The following DSCAML1 variants were observed in gnomAD, a reference collection of about 807,000 sequenced individuals.
DSCAML1 encodes cell adhesion molecule DSCAML1.
DSCAML1 carries 38 observed loss-of-function variants against 200.5 expected under a neutral mutation model. The ratio of observed to expected loss-of-function variants is 0.19; its 90% CI spans 0.15 to 0.25. The LOEUF (loss-of-function observed/expected upper bound fraction) is 0.25. DSCAML1 is among the 10% of genes least tolerant of loss of function. The probability of loss-of-function intolerance (pLI) is 1.00; values close to 1 mark genes in which losing one functional copy is unlikely to be tolerated. For missense variants in DSCAML1, 2,223 were observed against 2,858.8 expected, an observed-to-expected ratio of 0.78 and a Z score of 5.07; for synonymous variants, 1,215 against 1,165.0, an observed-to-expected ratio of 1.04 and a Z score of -0.87.
At chr11:117,631,328 G>A (rs1216210792) in intron 3 of DSCAML1, among the ~76,000 whole-genome samples, 1 of 152,220 alleles carries the variant, frequency 6.6e-6, no homozygotes, top group East Asian at 1.9e-4. Context: ...CACAGGGCCT[G>A]TTGGACCCGG....
chr11:117,541,438 C>A (rs1404544471), intron 3 of DSCAML1, among the ~76,000 whole-genome samples: 1 of 152,196 alleles, frequency 6.6e-6, no homozygotes, highest in Non-Finnish European at 1.5e-5. Context: ...TCAATGAATC[C>A]TGGCAGTGGA....
In DSCAML1 at chr11:117,458,740, A is replaced by T. The variant is rs767227651; in HGVS notation, c.3568+14T>A. The T allele has an allele frequency of 6.2e-7, 1 of 1,610,662 alleles. No individual in the cohort carries two copies. Among genetic ancestry groups the T allele is most frequent in the South Asian group, 1.1e-5 (1 of 90,980 alleles). ...GGCAGGGCCAGCCTGTCCCAAGGAG[A>T]GGCCTGGACTCACCGTCCTCCTTGG... On this transcript the variant is annotated intron_variant, in intron 19 of 32. Transcript: ENST00000651296.
intron 3 of DSCAML1, among the ~76,000 whole-genome samples, chr11:117,749,074 T>C (rs549356175): frequency 6.6e-6 from 1 of 152,304 alleles, no homozygotes; most frequent in East Asian, 1.9e-4. Context: ...TGACTTTCTC[T>C]TGTGCAGGTA....
chr11:117,766,954 C>A (rs1427032144), intron 3 of DSCAML1, among the ~76,000 whole-genome samples: 1 of 152,116 alleles, frequency 6.6e-6, no homozygotes, highest in Admixed American at 6.5e-5. Flanking sequence ...AGGGCATAGG[C>A]ATCAAAACCA....
chr11:117,435,093 C>A (rs1479253738), intron 27 of DSCAML1, among the ~76,000 whole-genome samples: 4 of 152,234 alleles, frequency 2.6e-5, no homozygotes, highest in African/African-American at 4.8e-5. Flanking sequence ...GTGCCAGACA[C>A]TGTGTTAGGC....
At chr11:117,799,621 C>T (rs115217051), upstream of DSCAML1, among the ~76,000 whole-genome samples, 795 of 152,242 alleles carry the variant, frequency 5.2e-3, 6 homozygotes, top group African/African-American at 0.018. Flanking sequence ...CCCCCTCTGG[C>T]AAAAGGAAGC....
chr11:117,593,509 G>A (rs1019692342), intron 3 of DSCAML1, among the ~76,000 whole-genome samples: 1 of 152,186 alleles, frequency 6.6e-6, no homozygotes, highest in Non-Finnish European at 1.5e-5. Context: ...GTCTGCCACC[G>A]GGGCCTGTGT....
chr11:117,491,520 CT>C (rs2049181515), intron 11 of DSCAML1, among the ~76,000 whole-genome samples: 2 of 152,190 alleles, frequency 1.3e-5, no homozygotes, highest in South Asian at 4.1e-4. Flanking sequence ...AATCCCAGCA[CT>C]TTGGGAGGCC....
intron 30 of DSCAML1, 40 bp from the exon 31 acceptor site, chr11:117,431,768 A>G (rs761219183): frequency 3.8e-5 from 57 of 1,496,972 alleles, no homozygotes; most frequent in Non-Finnish European, 4.1e-5. Context: ...CTCCAACCAA[A>G]GGCACCCAGG....
chr11:117,651,306 C>T (rs1218238845), intron 3 of DSCAML1, among the ~76,000 whole-genome samples: 2 of 152,220 alleles, frequency 1.3e-5, no homozygotes, highest in Non-Finnish European at 2.9e-5. Flanking sequence ...AGCACTTTGT[C>T]CAGTGGCCCC....
chr11:117,705,317 G>A (rs549903786), intron 3 of DSCAML1, among the ~76,000 whole-genome samples: 16 of 152,294 alleles, frequency 1.1e-4, no homozygotes, highest in East Asian at 5.8e-4. Flanking sequence ...ACTGAAAGCC[G>A]ATGTACTCTA....
Position 117,524,794 on chromosome 11 carries a change from C to A in DSCAML1, c.937+11G>T, listed in dbSNP as rs760864362. 44 of 1,567,094 alleles carry A rather than the reference C, an allele frequency of 2.8e-5. No individual in the cohort carries two copies. Among genetic ancestry groups the A allele is most frequent in the Non-Finnish European group, 3.5e-5 (40 of 1,154,922 alleles). ...GTTACTGGGGCTGCAGAAGGGGCTT[C>A]CCCGACTCACCAATGACCATGAGGA... On this transcript the variant is annotated intron_variant, in intron 5 of 32. Coordinates refer to ENST00000651296, the MANE Select transcript of DSCAML1 (RefSeq NM_020693.4).
chr11:117,806,218 G>C (rs566613717), intron 1 of DSCAML1, among the ~76,000 whole-genome samples: 1 of 152,204 alleles, frequency 6.6e-6, no homozygotes, highest in African/African-American at 2.4e-5. Context: ...AGCTGCTTAA[G>C]CTCAGAGAAA....
At chr11:117,471,328 C>T (rs539605510) in intron 15 of DSCAML1, among the ~76,000 whole-genome samples, 2 of 152,250 alleles carry the variant, frequency 1.3e-5, no homozygotes, top group African/African-American at 2.4e-5. Flanking sequence ...TGCGCCACCA[C>T]GCCCAGCTAA....
intron 3 of DSCAML1, among the ~76,000 whole-genome samples, chr11:117,675,116 C>A (rs2053184038): frequency 6.6e-6 from 1 of 152,174 alleles, no homozygotes; most frequent in African/African-American, 2.4e-5. Context: ...AATAGCAACT[C>A]CTCCACAAGC....
intron 3 of DSCAML1, among the ~76,000 whole-genome samples, chr11:117,685,729 T>G (rs776714933): frequency 4.6e-5 from 7 of 152,202 alleles, no homozygotes; most frequent in Non-Finnish European, 1.0e-4. Context: ...GAGCCTTTCC[T>G]TATCTGCATA....
intron 14 of DSCAML1, 60 bp from the exon 15 acceptor site, chr11:117,472,096 C>T: frequency 6.3e-7 from 1 of 1,589,808 alleles, no homozygotes; most frequent in Non-Finnish European, 8.6e-7. Flanking sequence ...CCCTTCCCAG[C>T]CTGAAGTACC....
intron 3 of DSCAML1, among the ~76,000 whole-genome samples, chr11:117,561,564 G>GTTCTCCTCTCCT (rs2050663768): frequency 6.6e-6 from 1 of 152,088 alleles, no homozygotes; most frequent in Non-Finnish European, 1.5e-5. Context: ...TCTTCCTATA[G>GTTCTCCTCTCCT]CGCCCCTTGT....
At chr11:117,618,399 C>T (rs2051855837) in intron 3 of DSCAML1, among the ~76,000 whole-genome samples, 1 of 152,112 alleles carries the variant, frequency 6.6e-6, no homozygotes, top group Non-Finnish European at 1.5e-5. Context: ...CTGGTTCTAC[C>T]CTTTGGAGAA....
Sources: allele counts gnomAD v4.1 joint callset (sites outside exome capture counted in the v4.1 genomes callset), GRCh38; gene constraint gnomAD v4.1.1; transcripts MANE v1.5; gene names NCBI Gene and HGNC (gene_info 2026-07-23, HGNC 2026-07-21).